PUS7: variants seen among roughly 807,000 people sequenced by gnomAD.
PUS7 encodes the protein pseudouridylate synthase 7 homolog.
A neutral mutation model predicts 79.8 loss-of-function variants in PUS7; 48 were observed. The observed-to-expected ratio is 0.60, with a 90% CI of 0.48 to 0.76. The LOEUF (loss-of-function observed/expected upper bound fraction) is 0.76, where lower values mean the gene tolerates loss of function less well. PUS7 is among the 30% of genes least tolerant of loss of function. The pLI is 0.00. For missense variants in PUS7, 729 were observed against 797.6 expected, an observed-to-expected ratio of 0.91 and a Z score of 1.04; for synonymous variants, 286 against 272.2, an observed-to-expected ratio of 1.05 and a Z score of -0.50.
intron 1 of PUS7, among the ~76,000 whole-genome samples, chr7:105,514,560 C>T (rs150566469): frequency 0.069 from 10,036 of 145,930 alleles, 1,125 homozygotes; most frequent in African/African-American, 0.23. Flanking sequence ...GCCGAGATCG[C>T]GCCACTGTAC....
intron 6 of PUS7, 100 bp downstream of exon 6, chr7:105,495,042 G>T (rs1586150288): frequency 5.1e-6 from 3 of 593,650 alleles, no homozygotes; most frequent in Non-Finnish European, 9.0e-6. Context: ...TTTACTATCT[G>T]TAATCTGTGC....
intron 2 of PUS7, among the ~76,000 whole-genome samples, chr7:105,506,548 G>T (rs370529478): frequency 2.6e-5 from 4 of 151,500 alleles, no homozygotes; most frequent in South Asian, 2.1e-4. Context: ...TCAGCCTCCC[G>T]AGTAGCTGGG....
chr7:105,485,393 G>C (rs980845408), intron 7 of PUS7, among the ~76,000 whole-genome samples: 1 of 152,070 alleles, frequency 6.6e-6, no homozygotes, highest in African/African-American at 2.4e-5. Flanking sequence ...ATTTTTAGTA[G>C]AGACAGGGTT....
chr7:105,495,279 T>C (rs372449032), intron 5 of PUS7, 26 bp from the exon 6 acceptor site: 21 of 1,257,388 alleles, frequency 1.7e-5, no homozygotes, highest in Non-Finnish European at 2.3e-5. Context: ...ATTAACATTA[T>C]ATATACCATA....
At chr7:105,490,592 C>A (rs760579207) in intron 7 of PUS7, among the ~76,000 whole-genome samples, 7 of 152,266 alleles carry the variant, frequency 4.6e-5, no homozygotes, top group South Asian at 4.1e-4. Flanking sequence ...AGACCCTCAA[C>A]CTGACCTAAC....
At chr7:105,482,081 G>C (rs80143286) in intron 8 of PUS7, among the ~76,000 whole-genome samples, 1,658 of 152,228 alleles carry the variant, frequency 0.011, 28 homozygotes, top group East Asian at 0.062. Context: ...CTTTCCAAAG[G>C]CTGCACTAGG....
chr7:105,462,248 A>G (rs1823461720), intron 14 of PUS7: 1 of 187,536 alleles, frequency 5.3e-6, no homozygotes, highest in African/African-American at 2.4e-5. Context: ...CCTGGCCAAT[A>G]TGGTGAAACC....
intron 1 of PUS7, among the ~76,000 whole-genome samples, chr7:105,514,780 CT>C (rs1008506907): frequency 4.0e-5 from 6 of 151,622 alleles, no homozygotes; most frequent in African/African-American, 1.2e-4. Context: ...CATATAATAA[CT>C]AAAAATTCTC....
intron 11 of PUS7, among the ~76,000 whole-genome samples, chr7:105,469,536 T>A (rs1183514818): frequency 6.6e-6 from 1 of 152,182 alleles, no homozygotes; most frequent in East Asian, 1.9e-4. Context: ...CCCGGCTGAA[T>A]GCAACCTCTG....
intron 4 of PUS7, among the ~76,000 whole-genome samples, chr7:105,504,886 T>A (rs574350524): frequency 1.3e-5 from 2 of 152,244 alleles, no homozygotes; most frequent in African/African-American, 4.8e-5. Flanking sequence ...AAGGAGCAGA[T>A]AATGAATTCT....
chr7:105,512,089 G>C (rs1056620610), intron 1 of PUS7, among the ~76,000 whole-genome samples: 2 of 138,674 alleles, frequency 1.4e-5, no homozygotes, highest in Non-Finnish European at 3.0e-5. Context: ...ACGTTGCAGT[G>C]AGTCGGGACT....
intron 1 of PUS7, among the ~76,000 whole-genome samples, chr7:105,518,093 A>G (rs1002098999): frequency 6.6e-6 from 1 of 152,006 alleles, no homozygotes; most frequent in South Asian, 2.1e-4. Context: ...AGTCGCAGTG[A>G]GCCGAGATTG....
intron 12 of PUS7, among the ~76,000 whole-genome samples, chr7:105,467,748 G>C (rs1398351501): frequency 6.6e-6 from 1 of 151,798 alleles, no homozygotes; most frequent in Non-Finnish European, 1.5e-5. Flanking sequence ...GCTTACTCAG[G>C]CCGGGCACAG....
intron 5 of PUS7, among the ~76,000 whole-genome samples, chr7:105,498,941 T>C (rs1055172194): frequency 6.6e-6 from 1 of 152,198 alleles, no homozygotes; most frequent in Non-Finnish European, 1.5e-5. Context: ...ATTGTCTCCC[T>C]TGCATATATA....
Position 105,492,052 on chromosome 7 carries a change from C to CAAA in PUS7, c.843-438_843-436dup, listed in dbSNP as rs368940149. On this transcript the variant is annotated intron_variant, in intron 6 of 15. Coordinates refer to ENST00000469408, the MANE Select transcript of PUS7 (RefSeq NM_019042.5). ...AGCCTGGGCCACAGAGACTCCGTCTCAAAAAAAAAAAAAAAAAAATCTACT... is the reference window on the plus strand; with the variant it reads ...AGCCTGGGCCACAGAGACTCCGTCTCAAAAAAAAAAAAAAAAAAAAAATCTACT... Among the ~76,000 whole-genome samples, 803 of 117,098 alleles carry CAAA rather than the reference C, an allele frequency of 6.9e-3. 9 individuals are homozygous for CAAA. The highest frequency in any genetic ancestry group is 9.5e-3 in the Non-Finnish European group (551 of 58,266). The allele number at this position is 117,098 out of a possible 152,430, so 76.8% of individuals were successfully genotyped here. A position where few individuals can be genotyped will look rare whatever the true frequency, so the allele number is the denominator to read the frequency against.
At chr7:105,459,282 T>C (rs571474809) in intron 14 of PUS7, 23 bp from the exon 15 acceptor site, 1 of 1,510,434 alleles carries the variant, frequency 6.6e-7, no homozygotes, top group Middle Eastern at 1.7e-4. Flanking sequence ...TGAATAAAGA[T>C]AAGTGTGAAT....
chr7:105,492,052 C>CAAAAA (rs368940149), intron 6 of PUS7, among the ~76,000 whole-genome samples: 1 of 117,176 alleles, frequency 8.5e-6, no homozygotes. Context: ...GACTCCGTCT[C>CAAAAA]AAAAAAAAAA....
intron 9 of PUS7, among the ~76,000 whole-genome samples, chr7:105,473,941 G>C (rs1823978798): frequency 6.6e-6 from 1 of 152,210 alleles, no homozygotes; most frequent in African/African-American, 2.4e-5. Flanking sequence ...TAACACTTTA[G>C]AGCATATTTT....
chr7:105,506,042 G>C lies in PUS7; in HGVS notation c.498C>G (p.Asp166Glu), dbSNP rs1214811967. 1 of 1,613,146 alleles carries C rather than the reference G, an allele frequency of 6.2e-7. No individual in the cohort carries two copies. Among genetic ancestry groups the C allele is most frequent in the South Asian group, 1.1e-5 (1 of 90,898 alleles). Residue 166 changes from aspartate (D) to glutamate (E), a missense_variant, in exon 4 of 16, where the codon GAC (aspartate) becomes GAG (glutamate). Asp to Glu is a conservative substitution (Grantham distance 45). Transcript: ENST00000469408. ...CTTCAGCTGTCAAAACTGTAAATAT[G>C]TCTTCTGAAGGGTCCTTTAAAATAA... is the stretch of plus-strand genomic sequence containing the variant. The part of the protein sequence containing the change: ...IPVDEEDPSE[D>E]IFTVLTAEEK...
Sources: gnomAD v4.1 joint callset for allele counts (sites outside exome capture counted in the v4.1 genomes callset) on GRCh38, gnomAD v4.1.1 for gene constraint, MANE v1.5 for transcripts, NCBI Gene and HGNC (gene_info 2026-07-23, HGNC 2026-07-21) for gene names.